The following ZFYVE1 variants were observed in gnomAD, a reference collection of about 807,000 sequenced individuals.
ZFYVE1 encodes the protein zinc finger FYVE-type containing 1, also known as zinc finger FYVE domain-containing protein 1.
In ZFYVE1, 30 loss-of-function variants were observed where a neutral mutation model predicts 74.4. That is an observed-to-expected ratio of 0.40 (90% CI 0.30 to 0.55). The LOEUF is 0.55. ZFYVE1 is among the 20% of genes least tolerant of loss of function. The pLI, the probability that ZFYVE1 is intolerant of heterozygous loss-of-function variation, is 0.42. For synonymous variants in ZFYVE1, 335 were observed against 385.1 expected (o/e 0.87, Z 1.52); for missense variants, 703 against 1,011.6 (o/e 0.69, Z 4.14).
chr14:72,974,292 G>A, intron 10 of ZFYVE1, 99 bp from the exon 11 acceptor site: 1 of 1,122,774 alleles, frequency 8.9e-7, no homozygotes, highest in Non-Finnish European at 1.3e-6. Context: ...TCTGATCCCA[G>A]ACACCACTGT....
At chr14:73,010,781 A>AC (rs1202895122) in intron 2 of ZFYVE1, among the ~76,000 whole-genome samples, 1 of 150,622 alleles carries the variant, frequency 6.6e-6, no homozygotes, top group African/African-American at 2.4e-5. Context: ...AAAAAAAAAA[A>AC]AAAAAAAAAA....
intron 2 of ZFYVE1, among the ~76,000 whole-genome samples, chr14:73,021,315 T>C (rs974302746): frequency 3.3e-5 from 5 of 151,734 alleles, no homozygotes; most frequent in African/African-American, 1.2e-4. Flanking sequence ...GCCACTGCAC[T>C]CCAGCCTGGG....
chr14:72,998,567 A>C (rs1236199046), intron 2 of ZFYVE1, among the ~76,000 whole-genome samples: 1 of 152,130 alleles, frequency 6.6e-6, no homozygotes, highest in African/African-American at 2.4e-5. Flanking sequence ...AAAGAAAAGA[A>C]AAAAACAAAA....
chr14:72,974,191 C>G lies in ZFYVE1; in HGVS notation c.1990G>C (p.Val664Leu). 2 of 1,613,896 alleles carry G rather than the reference C, an allele frequency of 1.2e-6. No homozygotes were observed. Among genetic ancestry groups the G allele is most frequent in the East Asian group, 4.5e-5 (2 of 44,876 alleles). Residue 664 changes from valine (V) to leucine (L), a missense_variant and splice_region_variant, in exon 11 of 12, where the codon GTT becomes CTT. Transcript: ENST00000556143. ...TCATCGTCCACTTGTGCCTCGGTAA[C>G]AGCTGTAGACAGTAATAAAGGAAAT... The part of the protein sequence containing the change: ...CYEARNVQLA[V>L]TEAQVDDEGG...
At chr14:72,971,609 T>A (rs929805927) in intron 11 of ZFYVE1, among the ~76,000 whole-genome samples, 1 of 152,114 alleles carries the variant, frequency 6.6e-6, no homozygotes, top group Non-Finnish European at 1.5e-5. Flanking sequence ...ATTGTAGGCA[T>A]AACATTATAG....
chr14:72,975,711 A>C lies in ZFYVE1; in HGVS notation c.1646T>G (p.Phe549Cys), dbSNP rs1160528870. The C allele has an allele frequency of 6.2e-7, 1 of 1,613,784 alleles. No homozygotes were observed. The highest frequency in any genetic ancestry group is 2.2e-5 in the East Asian group (1 of 44,892). Residue 549 changes from phenylalanine to cysteine, a missense_variant, in exon 9 of 12, where the codon TTT (phenylalanine) becomes TGT (cysteine). Physicochemically the swap from Phe to Cys is radical, Grantham distance 205. Transcript: ENST00000556143. The surrounding 1 kb of genome is among the most constrained non-coding windows in gnomAD (Gnocchi z 4.1). ...IVHVWPGTDGFLKDNNNAAQR... is the reference protein window; with the variant it reads ...IVHVWPGTDGCLKDNNNAAQR... Reference sequence around the variant, plus strand: ...GGCAGCATTGTTGTTGTCCTTCAGAAACCCATCAGTCTGAAATGAAAACGC... The same window carrying C: ...GGCAGCATTGTTGTTGTCCTTCAGACACCCATCAGTCTGAAATGAAAACGC...
intron 5 of ZFYVE1, among the ~76,000 whole-genome samples, chr14:72,980,722 C>T (rs568722769): frequency 6.6e-6 from 1 of 152,096 alleles, no homozygotes; most frequent in Non-Finnish European, 1.5e-5. Context: ...CGCCGGCCAC[C>T]GTGCCAGGCT....
At chr14:73,026,124 T>C (rs1223428523) in intron 1 of ZFYVE1, among the ~76,000 whole-genome samples, 2 of 148,722 alleles carry the variant, frequency 1.3e-5, no homozygotes, top group Non-Finnish European at 3.0e-5. Flanking sequence ...GTCCCTTCTT[T>C]CACTAACTGA....
At chr14:72,999,890 G>A (rs1408581819) in intron 2 of ZFYVE1, among the ~76,000 whole-genome samples, 4 of 151,980 alleles carry the variant, frequency 2.6e-5, no homozygotes, top group Non-Finnish European at 4.4e-5. Context: ...TGAAACCCCC[G>A]TCTCTACTAA....
chr14:72,977,415 CA>C (rs1016719435), intron 8 of ZFYVE1, among the ~76,000 whole-genome samples: 33 of 139,156 alleles, frequency 2.4e-4, no homozygotes, highest in Admixed American at 2.9e-4. Context: ...AACTCCGTCT[CA>C]AAAAAAAAAA....
intron 3 of ZFYVE1, among the ~76,000 whole-genome samples, chr14:72,993,728 AAAGT>A (rs1449551942): frequency 6.6e-5 from 10 of 151,796 alleles, no homozygotes; most frequent in Admixed American, 6.6e-4. Flanking sequence ...TTTCATTATA[AAAGT>A]AAGATACGAG....
At chr14:72,990,396 G>A (rs1399736520) in intron 4 of ZFYVE1, among the ~76,000 whole-genome samples, 1 of 143,144 alleles carries the variant, frequency 7.0e-6, no homozygotes, top group Non-Finnish European at 1.6e-5. Context: ...CAGCTGAACA[G>A]GTTCTTTTTT....
At chr14:73,015,271 A>G (rs1894167547) in intron 2 of ZFYVE1, among the ~76,000 whole-genome samples, 1 of 81,568 alleles carries the variant, frequency 1.2e-5, no homozygotes, top group African/African-American at 5.2e-5. Context: ...GAAGGAAGGA[A>G]GGAAGGAAGG....
chr14:73,018,085 T>C (rs1280332898), intron 2 of ZFYVE1, among the ~76,000 whole-genome samples: 1 of 152,126 alleles, frequency 6.6e-6, no homozygotes, highest in East Asian at 1.9e-4. Context: ...ATTCCCTCTA[T>C]CTGGAGGCCT....
chr14:73,002,730 C>T (rs997102167), intron 2 of ZFYVE1, among the ~76,000 whole-genome samples: 5 of 148,494 alleles, frequency 3.4e-5, no homozygotes, highest in South Asian at 2.2e-4. Context: ...GAATAAAACA[C>T]GTTGCTTTTT....
intron 2 of ZFYVE1, among the ~76,000 whole-genome samples, chr14:73,018,838 G>A (rs1238789383): frequency 1.3e-5 from 2 of 151,966 alleles, no homozygotes; most frequent in Non-Finnish European, 2.9e-5. Context: ...CAGCTACTCA[G>A]GAGGCTGAGG....
At chr14:73,013,688 C>T (rs1894136147) in intron 2 of ZFYVE1, among the ~76,000 whole-genome samples, 3 of 152,062 alleles carry the variant, frequency 2.0e-5, no homozygotes, top group Admixed American at 2.0e-4. Flanking sequence ...CCTTCAAAAG[C>T]TCCTCTGCGT....
intron 4 of ZFYVE1, among the ~76,000 whole-genome samples, chr14:72,982,335 T>G (rs969239766): frequency 3.3e-5 from 5 of 151,888 alleles, no homozygotes; most frequent in Admixed American, 3.3e-4. Context: ...CCACAGGCAC[T>G]TACTTGGAGT....
intron 3 of ZFYVE1, among the ~76,000 whole-genome samples, chr14:72,994,158 A>G (rs1893689839): frequency 6.6e-6 from 1 of 151,292 alleles, no homozygotes; most frequent in Admixed American, 6.6e-5. Context: ...CCCCATCTCT[A>G]CTAAAAATAC....
Sources: gnomAD v4.1 joint callset for allele counts (sites outside exome capture counted in the v4.1 genomes callset) on GRCh38, gnomAD v4.1.1 for gene constraint, Gnocchi (gnomAD v3.1) non-coding constraint, MANE v1.5 for transcripts, NCBI Gene and HGNC (gene_info 2026-07-23, HGNC 2026-07-21) for gene names.